OVCH1: variants seen among roughly 807,000 people sequenced by gnomAD.
OVCH1 encodes the protein ovochymase-1.
OVCH1 carries 139 observed loss-of-function variants against 138.4 expected under a neutral mutation model. The observed-to-expected ratio is 1.00, with a 90% CI of 0.87 to 1.16. The LOEUF (loss-of-function observed/expected upper bound fraction) is 1.16, where lower values mean the gene tolerates loss of function less well. OVCH1 is among the 50% of genes most tolerant of loss of function. The probability of loss-of-function intolerance (pLI) is 0.00; values close to 1 mark genes in which losing one functional copy is unlikely to be tolerated. For missense variants in OVCH1, 1,367 were observed against 1,357.9 expected (o/e 1.01, Z -0.11); for synonymous variants, 453 against 467.8 (o/e 0.97, Z 0.41).
At chr12:29,470,660 A>G (rs1048869137) in intron 16 of OVCH1, among the ~76,000 whole-genome samples, 1 of 152,268 alleles carries the variant, frequency 6.6e-6, no homozygotes, top group South Asian at 2.1e-4. Flanking sequence ...GCTATTGTGA[A>G]TAGTGCTGCA....
intron 27 of OVCH1, among the ~76,000 whole-genome samples, chr12:29,431,661 A>C (rs1941271243): frequency 6.6e-6 from 1 of 151,982 alleles, no homozygotes; most frequent in African/African-American, 2.4e-5. Flanking sequence ...TAGACATATC[A>C]TAATTTCTCA....
chr12:29,484,121 G>C (rs1943020128), intron 8 of OVCH1, among the ~76,000 whole-genome samples: 1 of 152,144 alleles, frequency 6.6e-6, no homozygotes, highest in Admixed American at 6.6e-5. Flanking sequence ...TGAGATACTT[G>C]CAGAAAGATT....
chr12:29,407,424 G>GT, the OVCH1 span, among the ~76,000 whole-genome samples: 1 of 150,782 alleles, frequency 6.6e-6, no homozygotes, highest in Non-Finnish European at 1.5e-5. Flanking sequence ...TTCTTCTAGG[G>GT]TTTTTATGGT....
chr12:29,443,107 G>C (rs1941529886), intron 25 of OVCH1, among the ~76,000 whole-genome samples: 1 of 151,896 alleles, frequency 6.6e-6, no homozygotes, highest in African/African-American at 2.4e-5. Context: ...TTTATTTTTA[G>C]TATTTCTGAG....
In OVCH1 at chr12:29,496,515, CT is replaced by C. The variant is rs772912357; in HGVS notation, c.183+40del. On this transcript the variant is annotated intron_variant, in intron 2 of 27. Coordinates refer to ENST00000318184, the Ensembl canonical transcript of OVCH1. ...CTTTCGAAACAAAGGAAATATTTCACTGTTTTCTCATTAAGAAATCAATGCC... is the reference window on the plus strand; with the variant it reads ...CTTTCGAAACAAAGGAAATATTTCACGTTTTCTCATTAAGAAATCAATGCC... 16 of 1,475,532 alleles carry C rather than the reference CT, an allele frequency of 1.1e-5. No homozygotes were observed. The East Asian group carries it at 2.9e-4, about 27-fold the overall frequency. The allele number at this position is 1,475,532 out of a possible 1,614,324, so 91.4% of individuals were successfully genotyped here.
chr12:29,476,492 C>T (rs1942720551), intron 12 of OVCH1, among the ~76,000 whole-genome samples, 193 bp from the exon 13 acceptor site: 1 of 152,124 alleles, frequency 6.6e-6, no homozygotes, highest in South Asian at 2.1e-4. Context: ...AACCCTTTGA[C>T]CCAGCGAATC....
chr12:29,413,604 T>A (rs77743180), intron 3 of OVCH1, among the ~76,000 whole-genome samples: 12,309 of 152,238 alleles, frequency 0.081, 502 homozygotes, highest in African/African-American at 0.085. Context: ...TTTTATCTTA[T>A]CACCAAAATG....
intron 26 of OVCH1, chr12:29,439,244 A>G: frequency 8.0e-7 from 1 of 1,249,462 alleles, no homozygotes; most frequent in Non-Finnish European, 1.0e-6. Context: ...CTTTTCCTTT[A>G]TTTTGTCACT....
At chr12:29,406,720 G>C in the OVCH1 span, among the ~76,000 whole-genome samples, 8 of 145,946 alleles carry the variant, frequency 5.5e-5, no homozygotes, top group South Asian at 2.3e-4. Context: ...GGACATTTGG[G>C]TTGGTTCCAA....
chr12:29,441,415 AT>A (rs1941482484), intron 25 of OVCH1, among the ~76,000 whole-genome samples: 2 of 152,232 alleles, frequency 1.3e-5, no homozygotes, highest in Non-Finnish European at 2.9e-5. Context: ...CTGGCTAGCC[AT>A]ATGGAGAAAG....
At chr12:29,426,249 C>T (rs1941177990), downstream of OVCH1, among the ~76,000 whole-genome samples, 1 of 152,170 alleles carries the variant, frequency 6.6e-6, no homozygotes, top group Non-Finnish European at 1.5e-5. Flanking sequence ...ATCCCATAAA[C>T]TTCCTAAATC....
intron 26 of OVCH1, among the ~76,000 whole-genome samples, chr12:29,437,421 T>A (rs1306834828): frequency 6.6e-6 from 1 of 152,228 alleles, no homozygotes; most frequent in Non-Finnish European, 1.5e-5. Context: ...CAGTGTTTTA[T>A]ACTCGAGTTA....
chr12:29,425,436 A>C (rs1941165335), downstream of OVCH1, among the ~76,000 whole-genome samples: 1 of 152,166 alleles, frequency 6.6e-6, no homozygotes, highest in African/African-American at 2.4e-5. Flanking sequence ...TGAAGATATG[A>C]CCTGGAACTT....
chr12:29,428,811 A>T (rs895442717), intron 27 of OVCH1, among the ~76,000 whole-genome samples: 2 of 152,222 alleles, frequency 1.3e-5, no homozygotes, highest in Non-Finnish European at 2.9e-5. Flanking sequence ...TGGCAGAACT[A>T]AGAGGAAACT....
At position 29,440,758 on chromosome 12, in the gene OVCH1, C is replaced by A; in HGVS notation, c.3158-1324G>T. The A allele has an allele frequency of 2.2e-6, 1 of 455,816 alleles. No individual in the cohort carries two copies. The highest frequency in any genetic ancestry group is 2.0e-5 in the African/African-American group (1 of 50,168). 28.2% of individuals were successfully genotyped at this position (455,816 alleles called of 1,614,324 possible). On this transcript the variant is annotated intron_variant, in intron 25 of 27. Coordinates refer to ENST00000318184, the Ensembl canonical transcript of OVCH1. ...ATCAACATTCTCCTAAATAGAAACA[C>A]AAATATTCTTAATGCACTTACTTCT... is the stretch of plus-strand genomic sequence containing the variant.
chr12:29,432,410 A>G (rs958352051), intron 27 of OVCH1, among the ~76,000 whole-genome samples: 3 of 152,226 alleles, frequency 2.0e-5, no homozygotes, highest in African/African-American at 7.2e-5. Context: ...AATGTGAGAA[A>G]TCAAGGTGGA....
intron 21 of OVCH1, among the ~76,000 whole-genome samples, chr12:29,451,898 C>G (rs954558886): frequency 7.2e-5 from 11 of 152,200 alleles, no homozygotes; most frequent in African/African-American, 2.7e-4. Context: ...AGCTGAAGAC[C>G]TGTTCCTCAA....
Position 29,486,843 on chromosome 12 carries a change from C to T in OVCH1, c.893-495G>A, listed in dbSNP as rs1475326217. 1.1e-5 allele frequency: 5 copies of T among 445,146 alleles called. No individual in the cohort carries two copies. In the Admixed American group the frequency reaches 1.2e-4, roughly 11 times the overall value. 27.6% of individuals were successfully genotyped at this position (445,146 alleles called of 1,614,324 possible). A position where few individuals can be genotyped will look rare whatever the true frequency, so the allele number is the denominator to read the frequency against. On this transcript the variant is annotated intron_variant, in intron 7 of 27. Transcript: ENST00000318184. The stretch of plus-strand genomic sequence containing the variant: ...TGTAAAATCTCATTGTTACCATTTA[C>T]ATTTGTTCAGGGCTTTTAAACCTTG...
chr12:29,458,609 C>G (rs559665218), intron 19 of OVCH1, among the ~76,000 whole-genome samples: 1 of 152,042 alleles, frequency 6.6e-6, no homozygotes, highest in Non-Finnish European at 1.5e-5. Context: ...AGTAATACCC[C>G]ACAAGCTCAG....
Sources: gnomAD v4.1 joint callset for allele counts (sites outside exome capture counted in the v4.1 genomes callset) on GRCh38, gnomAD v4.1.1 for gene constraint, MANE v1.5 for transcripts, NCBI Gene and HGNC (gene_info 2026-07-23, HGNC 2026-07-21) for gene names.